The following RGS6 variants were observed in gnomAD, a reference collection of about 807,000 sequenced individuals.
RGS6 encodes regulator of G-protein signaling 6.
A neutral mutation model predicts 78.5 loss-of-function variants in RGS6; 30 were observed. That is an observed-to-expected ratio of 0.38 (90% CI 0.29 to 0.52). The LOEUF is 0.52. Among genes scored for constraint, RGS6 ranks in the 20% least tolerant of loss-of-function variants. The probability of loss-of-function intolerance (pLI) is 0.85; values close to 1 mark genes in which losing one functional copy is unlikely to be tolerated. For missense variants in RGS6, 495 were observed against 609.7 expected (o/e 0.81, Z 1.98); for synonymous variants, 206 against 206.0 (o/e 1.00, Z 0.00).
intron 2 of RGS6, among the ~76,000 whole-genome samples, chr14:72,068,476 G>A (rs1046586447): frequency 3.5e-5 from 5 of 141,338 alleles, no homozygotes; most frequent in African/African-American, 5.2e-5. Context: ...TATTTCCTCC[G>A]TCTCTCCCTC....
In RGS6 at chr14:72,096,302, A is replaced by G. The variant is rs116143044; in HGVS notation, c.84+131427A>G. ...TCTTAAAAAAAAAAAAAGAAAAGAA[A>G]AACACACAGATGTATGAAATAGAGC... On this transcript the variant is annotated intron_variant, in intron 2 of 17. Transcript: ENST00000553525. 8.3e-3 allele frequency among the ~76,000 whole-genome samples: 1,256 copies of G among 152,128 alleles called. 15 individuals carry two copies. The highest frequency in any genetic ancestry group is 0.029 in the African/African-American group (1,211 of 41,504).
At chr14:71,876,223 C>A in the RGS6 span, among the ~76,000 whole-genome samples, 2 of 152,006 alleles carry the variant, frequency 1.3e-5, no homozygotes, top group African/African-American at 4.8e-5. Context: ...TCTCATTGAT[C>A]TGTCTAATGT....
chr14:72,090,968 C>T (rs2095249920), intron 2 of RGS6, among the ~76,000 whole-genome samples: 1 of 150,850 alleles, frequency 6.6e-6, no homozygotes, highest in Non-Finnish European at 1.5e-5. Flanking sequence ...TGGGCTATCT[C>T]TGTTGCCCTA....
At chr14:72,398,785 A>T (rs982679387) in intron 3 of RGS6, among the ~76,000 whole-genome samples, 3 of 152,010 alleles carry the variant, frequency 2.0e-5, no homozygotes, top group African/African-American at 7.2e-5. Flanking sequence ...AAACATCTTT[A>T]TTTCTCCCTT....
intron 2 of RGS6, among the ~76,000 whole-genome samples, chr14:72,137,394 G>T (rs527299517): frequency 4.6e-5 from 7 of 152,134 alleles, no homozygotes; most frequent in Admixed American, 1.3e-4. Flanking sequence ...CTATAGTTTG[G>T]CCCGGTTCTA....
chr14:72,223,852 G>C (rs556005777), intron 2 of RGS6, among the ~76,000 whole-genome samples: 1 of 152,336 alleles, frequency 6.6e-6, no homozygotes, highest in East Asian at 1.9e-4. Context: ...GTAAGCTCTT[G>C]GGCTACACTC....
chr14:72,320,578 A>T (rs1358711707), intron 2 of RGS6, among the ~76,000 whole-genome samples: 1 of 152,056 alleles, frequency 6.6e-6, no homozygotes, highest in Non-Finnish European at 1.5e-5. Flanking sequence ...ACTCTGTCTC[A>T]AAAAAATAAA....
At chr14:72,448,106 A>G (rs553592442) in intron 3 of RGS6, among the ~76,000 whole-genome samples, 6 of 152,332 alleles carry the variant, frequency 3.9e-5, no homozygotes, top group Non-Finnish European at 5.9e-5. Context: ...TCTTAACTAG[A>G]CAGCACTTCA....
At chr14:71,902,284 A>C in the RGS6 span, among the ~76,000 whole-genome samples, 2 of 152,208 alleles carry the variant, frequency 1.3e-5, no homozygotes, top group African/African-American at 4.8e-5. Context: ...TGCCCCACTC[A>C]CTTTGTACAC....
intron 2 of RGS6, among the ~76,000 whole-genome samples, chr14:72,139,190 G>T (rs2153608478): frequency 6.6e-6 from 1 of 152,340 alleles, no homozygotes; most frequent in African/African-American, 2.4e-5. Context: ...TTTGAGTTTA[G>T]TGTGCTGGTC....
chr14:71,951,237 C>T (rs192806321), intron 1 of RGS6, among the ~76,000 whole-genome samples: 60 of 152,118 alleles, frequency 3.9e-4, no homozygotes, highest in South Asian at 2.9e-3. Context: ...TAAAAAGGAA[C>T]GAGATCATGT....
At chr14:72,019,860 A>G (rs1030163726) in intron 2 of RGS6, among the ~76,000 whole-genome samples, 5 of 152,160 alleles carry the variant, frequency 3.3e-5, no homozygotes, top group African/African-American at 1.2e-4. Context: ...ATTTAGCAGC[A>G]TCTTGATTTG....
At chr14:72,143,487 G>A (rs12882823) in intron 2 of RGS6, among the ~76,000 whole-genome samples, 26,721 of 152,044 alleles carry the variant, frequency 0.18, 2,384 homozygotes, top group South Asian at 0.23. Context: ...AGGATTATAC[G>A]TAAGAAACTA....
Position 72,037,045 on chromosome 14 carries a change from T to G in RGS6, c.84+72170T>G, listed in dbSNP as rs533790829. 6.6e-5 allele frequency among the ~76,000 whole-genome samples: 10 copies of G among 152,308 alleles called. No homozygotes were observed. In the East Asian group the frequency reaches 1.9e-3, roughly 29 times the overall value. On this transcript the variant is annotated intron_variant, in intron 2 of 17. Coordinates refer to ENST00000553525, the MANE Select transcript of RGS6 (RefSeq NM_001204424.2). ...ATTGTAAATACACCAATCAGCACTC[T>G]GTAAAAACACACCAATCAGCGCTTT...
intron 2 of RGS6, among the ~76,000 whole-genome samples, chr14:72,266,364 T>G (rs753650428): frequency 8.5e-5 from 13 of 152,088 alleles, no homozygotes; most frequent in Non-Finnish European, 1.5e-4. Context: ...TGGCCAAGCC[T>G]CCTAAGCCTG....
At chr14:72,119,719 A>G (rs751794948) in intron 2 of RGS6, among the ~76,000 whole-genome samples, 11 of 152,224 alleles carry the variant, frequency 7.2e-5, no homozygotes, top group Non-Finnish European at 1.5e-4. Context: ...CTTGGTTCTC[A>G]TAATTTAGAA....
chr14:72,016,458 C>T (rs1282179732), intron 2 of RGS6, among the ~76,000 whole-genome samples: 5 of 152,178 alleles, frequency 3.3e-5, no homozygotes, highest in South Asian at 2.1e-4. Flanking sequence ...TGCTGCCTCG[C>T]GGGTTCACGC....
At chr14:71,998,311 C>T (rs1987722) in intron 2 of RGS6, among the ~76,000 whole-genome samples, 105,250 of 152,060 alleles carry the variant, frequency 0.69, 36,867 homozygotes, top group East Asian at 0.78. Context: ...GGGAGGCAGG[C>T]TTGCCCTAAG....
chr14:72,026,938 T>C (rs1381009726), intron 2 of RGS6, among the ~76,000 whole-genome samples: 1 of 152,132 alleles, frequency 6.6e-6, no homozygotes, highest in Non-Finnish European at 1.5e-5. Flanking sequence ...AGAGCCTCTT[T>C]GTGGGTGCAA....
Sources: gnomAD v4.1 joint callset for allele counts (sites outside exome capture counted in the v4.1 genomes callset) on GRCh38, gnomAD v4.1.1 for gene constraint, MANE v1.5 for transcripts, NCBI Gene and HGNC (gene_info 2026-07-23, HGNC 2026-07-21) for gene names.